The following DYM variants were observed in gnomAD, a reference collection of about 807,000 sequenced individuals.
DYM encodes dymeclin.
In DYM, 78 loss-of-function variants were observed where a neutral mutation model predicts 93.1. The observed-to-expected ratio is 0.84, with a 90% CI of 0.70 to 1.01. DYM has a LOEUF of 1.01. Among genes scored for constraint, DYM ranks in the 50% least tolerant of loss-of-function variants. The pLI is 0.00. For synonymous variants in DYM, 321 were observed against 319.7 expected, an observed-to-expected ratio of 1.00 and a Z score of -0.04; for missense variants, 789 against 845.0, an observed-to-expected ratio of 0.93 and a Z score of 0.82.
Position 49,335,788 on chromosome 18 carries a change from A to T in DYM, c.495-1935T>A, listed in dbSNP as rs538589637. On this transcript the variant is annotated intron_variant, in intron 6 of 17. Coordinates refer to ENST00000675505, the MANE Select transcript of DYM (RefSeq NM_001353214.3). The stretch of plus-strand genomic sequence containing the variant: ...GATAGGCAGATGGATGACTATGTCC[A>T]ATACATTTGCAAACGTTTTCTGTCT... 2.0e-5 allele frequency among the ~76,000 whole-genome samples: 3 copies of T among 151,772 alleles called. No homozygotes were observed. The South Asian group carries it at 6.2e-4, about 32-fold the overall frequency.
chr18:49,299,466 A>C (rs1391027397), intron 8 of DYM, among the ~76,000 whole-genome samples: 1 of 152,164 alleles, frequency 6.6e-6, no homozygotes, highest in Admixed American at 6.5e-5. Flanking sequence ...CTCCTTCTTC[A>C]AACAAAACAA....
At chr18:49,408,816 G>A (rs183747161) in intron 2 of DYM, among the ~76,000 whole-genome samples, 4 of 151,864 alleles carry the variant, frequency 2.6e-5, no homozygotes, top group African/African-American at 9.6e-5. Context: ...ATCAATTGTT[G>A]TATTAAATAA....
chr18:49,437,560 A>G (rs2080969047), intron 1 of DYM, among the ~76,000 whole-genome samples: 1 of 152,224 alleles, frequency 6.6e-6, no homozygotes, highest in Non-Finnish European at 1.5e-5. Flanking sequence ...TCACACATGT[A>G]TGAGTAGACA....
intron 2 of DYM, among the ~76,000 whole-genome samples, chr18:49,424,142 T>C (rs1246951754): frequency 6.6e-6 from 1 of 151,934 alleles, no homozygotes; most frequent in Admixed American, 6.6e-5. Flanking sequence ...GATGCAAAAA[T>C]CCTCAATAAA....
At chr18:49,323,856 C>T (rs2062686694) in intron 8 of DYM, among the ~76,000 whole-genome samples, 1 of 152,166 alleles carries the variant, frequency 6.6e-6, no homozygotes, top group African/African-American at 2.4e-5. Context: ...CTTTATAAAA[C>T]ATCTTTAACG....
At chr18:49,092,100 T>C (rs2079100502) in intron 17 of DYM, among the ~76,000 whole-genome samples, 1 of 152,226 alleles carries the variant, frequency 6.6e-6, no homozygotes, top group Admixed American at 6.5e-5. Flanking sequence ...ATGTGTGAAT[T>C]GTATCATGAT....
chr18:49,136,992 A>G (rs2083925652), intron 15 of DYM, among the ~76,000 whole-genome samples: 1 of 152,244 alleles, frequency 6.6e-6, no homozygotes, highest in Admixed American at 6.5e-5. Context: ...ACTAGTATCA[A>G]TGGCAACAAA....
chr18:49,054,185 T>A (rs753829589), intron 17 of DYM, among the ~76,000 whole-genome samples: 2 of 152,232 alleles, frequency 1.3e-5, no homozygotes, highest in Non-Finnish European at 2.9e-5. Context: ...ATGAATAACA[T>A]CAGCAATGAA....
rs79981816 is a variant in DYM, at chr18:49,311,364, C to G, written c.763+20500G>C. Among the ~76,000 whole-genome samples the G allele has an allele frequency of 7.9e-5, 12 of 152,286 alleles. No individual in the cohort carries two copies. The East Asian group carries it at 2.1e-3, about 27-fold the overall frequency. On this transcript the variant is annotated intron_variant, in intron 8 of 17. Coordinates refer to ENST00000675505, the MANE Select transcript of DYM (RefSeq NM_001353214.3). ...AAAGTTTTAGCTGTTTTAGAAAGTT[C>G]TCTCCAAAAGAAAAGTGTGGAAAAA... is the stretch of plus-strand genomic sequence containing the variant.
intron 14 of DYM, among the ~76,000 whole-genome samples, chr18:49,176,723 A>G (rs1169207628): frequency 6.6e-6 from 1 of 151,802 alleles, no homozygotes; most frequent in East Asian, 1.9e-4. Context: ...CTTCTTTCCA[A>G]TTTTGACTAG....
intron 3 of DYM, among the ~76,000 whole-genome samples, chr18:49,383,864 C>T (rs1375335245): frequency 3.9e-5 from 6 of 152,120 alleles, no homozygotes. Context: ...ATAACAACAA[C>T]AGCAACCAGA....
At chr18:49,317,686 TTC>T in intron 8 of DYM, among the ~76,000 whole-genome samples, 3 of 114,746 alleles carry the variant, frequency 2.6e-5, no homozygotes, top group African/African-American at 6.2e-5. Flanking sequence ...CCTTCCTTCC[TTC>T]CTTTCTTTCT....
intron 14 of DYM, among the ~76,000 whole-genome samples, chr18:49,181,208 A>C (rs556818804): frequency 6.6e-6 from 1 of 152,318 alleles, no homozygotes; most frequent in African/African-American, 2.4e-5. Context: ...AAAGTCAAGG[A>C]TAAAAGTTAA....
intron 6 of DYM, among the ~76,000 whole-genome samples, chr18:49,358,169 GTAAA>G (rs1270094702): frequency 2.6e-5 from 4 of 151,776 alleles, no homozygotes; most frequent in Non-Finnish European, 5.9e-5. Flanking sequence ...AAATAAATAA[GTAAA>G]TAAATAACAC....
At chr18:49,259,821 C>T (rs1483526992) in intron 11 of DYM, among the ~76,000 whole-genome samples, 3 of 152,074 alleles carry the variant, frequency 2.0e-5, no homozygotes, top group East Asian at 1.9e-4. Flanking sequence ...GTGTTAATAA[C>T]GACTACATGA....
intron 1 of DYM, among the ~76,000 whole-genome samples, chr18:49,454,654 C>T (rs966561305): frequency 6.6e-6 from 1 of 152,004 alleles, no homozygotes; most frequent in Non-Finnish European, 1.5e-5. Context: ...AATCCCAACA[C>T]TTTGGGAGGC....
intron 13 of DYM, among the ~76,000 whole-genome samples, chr18:49,231,636 T>C (rs1299564315): frequency 1.3e-5 from 2 of 152,224 alleles, no homozygotes; most frequent in Admixed American, 1.3e-4. Context: ...GCCACATTCC[T>C]TTTGGTTATT....
At position 49,036,473 on chromosome 18, in the gene DYM, A is replaced by G. The variant is rs1467243876; in HGVS notation, c.*7582T>C. On this transcript the variant is annotated 3_prime_UTR_variant, in exon 18 of 18. Coordinates refer to ENST00000675505, the MANE Select transcript of DYM (RefSeq NM_001353214.3). Reference sequence around the variant, plus strand: ...TAAAGTGTACAATTTGATTAGACATATGTATACACCTATCACTGCAATAAA... The same window carrying G: ...TAAAGTGTACAATTTGATTAGACATGTGTATACACCTATCACTGCAATAAA... Among the ~76,000 whole-genome samples, 2 of 152,200 alleles carry G rather than the reference A, an allele frequency of 1.3e-5. No individual in the cohort carries two copies. The highest frequency in any genetic ancestry group is 2.9e-5 in the Non-Finnish European group (2 of 68,042).
chr18:49,389,336 G>T (rs2068956624), intron 3 of DYM, among the ~76,000 whole-genome samples: 1 of 151,906 alleles, frequency 6.6e-6, no homozygotes. Flanking sequence ...GTGTGTGGTG[G>T]ATGATATATA....
Sources: allele counts gnomAD v4.1 joint callset (sites outside exome capture counted in the v4.1 genomes callset), GRCh38; gene constraint gnomAD v4.1.1; transcripts MANE v1.5; gene names NCBI Gene and HGNC (gene_info 2026-07-23, HGNC 2026-07-21).